The following KCNMB2 variants were observed in gnomAD, a reference collection of about 807,000 sequenced individuals.
KCNMB2 encodes the protein calcium-activated potassium channel subunit beta-2.
Under a neutral mutation model 24.5 loss-of-function variants are expected in KCNMB2, and 9 were observed. The observed-to-expected ratio is 0.37, with a 90% CI of 0.22 to 0.64. The LOEUF is 0.64. Ranked by LOEUF, KCNMB2 falls within the 30% of genes least tolerant of loss-of-function variation. The pLI, the probability that KCNMB2 is intolerant of heterozygous loss-of-function variation, is 0.63. For missense variants in KCNMB2, 226 were observed against 284.3 expected, an observed-to-expected ratio of 0.79 and a Z score of 1.47; for synonymous variants, 109 against 104.4, an observed-to-expected ratio of 1.04 and a Z score of -0.27.
chr3:178,783,399 C>T (rs1191348094), intron 1 of KCNMB2, among the ~76,000 whole-genome samples: 12 of 150,562 alleles, frequency 8.0e-5, no homozygotes, highest in African/African-American at 1.7e-4. Context: ...GCCATTTTCA[C>T]GATATTGATT....
At chr3:178,554,940 T>C (rs1716074392) in intron 1 of KCNMB2, among the ~76,000 whole-genome samples, 2 of 152,246 alleles carry the variant, frequency 1.3e-5, no homozygotes, top group Admixed American at 6.5e-5. Flanking sequence ...CACAAGGCTG[T>C]CAAACTAATC....
Position 178,842,793 on chromosome 3 carries a change from A to C in KCNMB2, c.564A>C (p.Thr188=), listed in dbSNP as rs6443583. ...PEGNQKSVIL[T]KLYSSNVLFH... is the part of the protein sequence containing the mutation. Reference sequence around the variant, plus strand: ...GAAACCAGAAGAGTGTTATCCTAACAAAACTCTACAGTTCCAACGTGCTGT... The same window carrying C: ...GAAACCAGAAGAGTGTTATCCTAACCAAACTCTACAGTTCCAACGTGCTGT... The change falls in exon 5 of 5, where the codon ACA becomes ACC. Residue 188 remains threonine (T), a synonymous_variant. Coordinates refer to ENST00000452583, the MANE Select transcript of KCNMB2 (RefSeq NM_181361.3). 932,764 of 1,613,076 alleles carry C rather than the reference A, an allele frequency of 0.58. 276,724 individuals carry two copies. The highest frequency in any genetic ancestry group is 0.88 in the African/African-American group (65,905 of 74,968).
chr3:178,686,471 T>C (rs977820019), intron 1 of KCNMB2, among the ~76,000 whole-genome samples: 2 of 152,178 alleles, frequency 1.3e-5, no homozygotes, highest in African/African-American at 4.8e-5. Flanking sequence ...AGACGTTCTT[T>C]TCTTCTGAGT....
intron 1 of KCNMB2, among the ~76,000 whole-genome samples, chr3:178,592,766 T>G (rs1027808245): frequency 2.0e-5 from 3 of 152,100 alleles, no homozygotes; most frequent in Non-Finnish European, 4.4e-5. Flanking sequence ...ACCATCTACG[T>G]TAGCATCACT....
chr3:178,584,264 A>C (rs1717338528), intron 1 of KCNMB2, among the ~76,000 whole-genome samples: 1 of 152,260 alleles, frequency 6.6e-6, no homozygotes, highest in African/African-American at 2.4e-5. Flanking sequence ...CGAGAATGAG[A>C]AACTGGTCCA....
Position 178,754,956 on chromosome 3 carries a change from T to A in KCNMB2, c.-67-52387T>A, listed in dbSNP as rs186718148. Among the ~76,000 whole-genome samples, 676 of 152,352 alleles carry A rather than the reference T, an allele frequency of 4.4e-3. 1 individual carries two copies. Among genetic ancestry groups the A allele is most frequent in the Non-Finnish European group, 6.6e-3 (451 of 68,022 alleles). On this transcript the variant is annotated intron_variant, in intron 1 of 4. Coordinates refer to ENST00000452583, the MANE Select transcript of KCNMB2 (RefSeq NM_181361.3). ...CCATTGTGCACTCCATGTTTGGGCA[T>A]CAATCTGCCTTGCAGCCGTCATTGG...
intron 1 of KCNMB2, among the ~76,000 whole-genome samples, chr3:178,579,895 A>G (rs916812793): frequency 6.6e-6 from 1 of 152,172 alleles, no homozygotes; most frequent in Non-Finnish European, 1.5e-5. Flanking sequence ...TACCAACCAA[A>G]AAAGCCCAGG....
chr3:178,721,329 T>C (rs1053014262), intron 1 of KCNMB2, among the ~76,000 whole-genome samples: 22 of 152,192 alleles, frequency 1.4e-4, no homozygotes, highest in Admixed American at 1.4e-3. Flanking sequence ...GTTCCATTGA[T>C]CTGTATCTCT....
At chr3:178,552,799 A>G (rs1465413339) in intron 1 of KCNMB2, among the ~76,000 whole-genome samples, 1 of 152,210 alleles carries the variant, frequency 6.6e-6, no homozygotes, top group Non-Finnish European at 1.5e-5. Context: ...CAATGTCCTA[A>G]TAAGTCACAT....
chr3:178,605,539 CT>C (rs1366360490), intron 1 of KCNMB2, among the ~76,000 whole-genome samples: 6 of 152,078 alleles, frequency 3.9e-5, no homozygotes, highest in Non-Finnish European at 7.4e-5. Context: ...ATGAATAGAC[CT>C]TTAAAGGTGA....
At chr3:178,732,033 C>T (rs996646168) in intron 1 of KCNMB2, among the ~76,000 whole-genome samples, 2 of 152,110 alleles carry the variant, frequency 1.3e-5, no homozygotes, top group African/African-American at 4.8e-5. Flanking sequence ...GGGAAACAAT[C>T]TATTTCTGCA....
intron 1 of KCNMB2, among the ~76,000 whole-genome samples, chr3:178,538,302 G>A (rs1312887907): frequency 2.6e-5 from 4 of 152,136 alleles, no homozygotes; most frequent in East Asian, 1.9e-4. Flanking sequence ...CTATGACATC[G>A]TTTTCTGCTT....
At chr3:178,615,719 T>TA (rs1718681523) in intron 1 of KCNMB2, among the ~76,000 whole-genome samples, 1 of 151,740 alleles carries the variant, frequency 6.6e-6, no homozygotes, top group Non-Finnish European at 1.5e-5. Flanking sequence ...CATACAAGAG[T>TA]AAAATCCTGG....
At position 178,803,552 on chromosome 3, in the gene KCNMB2, T is replaced by C. The variant is rs116441238; in HGVS notation, c.-67-3791T>C. 4.3e-3 allele frequency among the ~76,000 whole-genome samples: 651 copies of C among 152,244 alleles called. 1 individual carries two copies. The highest frequency in any genetic ancestry group is 0.015 in the African/African-American group (623 of 41,538). On this transcript the variant is annotated intron_variant, in intron 1 of 4. Coordinates refer to ENST00000452583, the MANE Select transcript of KCNMB2 (RefSeq NM_181361.3). ...TGGTCAAGGCAGCAAATACAGCCAG[T>C]GTGTTACTATGTGTCCTGGATTGTG...
chr3:178,646,358 T>C (rs1719923628), intron 1 of KCNMB2, among the ~76,000 whole-genome samples: 2 of 152,202 alleles, frequency 1.3e-5, no homozygotes. Flanking sequence ...ATCAGCACAT[T>C]AATTTGTTTC....
intron 1 of KCNMB2, among the ~76,000 whole-genome samples, chr3:178,731,504 A>G (rs757839523): frequency 4.6e-5 from 7 of 152,238 alleles, no homozygotes; most frequent in Non-Finnish European, 1.0e-4. Context: ...CAAGGAAATG[A>G]GCATCAGCGG....
chr3:178,554,352 T>A (rs1366774112), intron 1 of KCNMB2, among the ~76,000 whole-genome samples: 1 of 152,232 alleles, frequency 6.6e-6, no homozygotes, highest in Non-Finnish European at 1.5e-5. Context: ...CTGAAATATT[T>A]ATTGGAGTCA....
At chr3:178,698,390 T>C (rs1443012420) in intron 1 of KCNMB2, among the ~76,000 whole-genome samples, 1 of 152,220 alleles carries the variant, frequency 6.6e-6, no homozygotes, top group Non-Finnish European at 1.5e-5. Context: ...TATGAGAGTG[T>C]TTCCTCCACT....
chr3:178,759,636 GAT>G (rs751946252), intron 1 of KCNMB2, among the ~76,000 whole-genome samples: 9 of 72,878 alleles, frequency 1.2e-4, no homozygotes, highest in Non-Finnish European at 1.7e-4. Flanking sequence ...TCTCCAAGAG[GAT>G]ATATATATAT....
Sources: gnomAD v4.1 joint callset for allele counts (sites outside exome capture counted in the v4.1 genomes callset) on GRCh38, gnomAD v4.1.1 for gene constraint, MANE v1.5 for transcripts, NCBI Gene and HGNC (gene_info 2026-07-23, HGNC 2026-07-21) for gene names.